The following BPIFA3 variants were observed in gnomAD, a reference collection of about 807,000 sequenced individuals.
The protein encoded by BPIFA3 is BPI fold-containing family A member 3.
In BPIFA3, 32 loss-of-function variants were observed where a neutral mutation model predicts 29.7. That is an observed-to-expected ratio of 1.08 (90% CI 0.81 to 1.45). The LOEUF (loss-of-function observed/expected upper bound fraction) is 1.45. Ranked by LOEUF, BPIFA3 falls within the 40% of genes most tolerant of loss-of-function variation. The pLI is 0.00. For missense variants in BPIFA3, 323 were observed against 311.3 expected (o/e 1.04, Z -0.28); for synonymous variants, 112 against 113.7 (o/e 0.98, Z 0.10).
chr20:33,227,177 C>T (rs954014230), intron 6 of BPIFA3, among the ~76,000 whole-genome samples, 184 bp downstream of exon 6: 1 of 152,296 alleles, frequency 6.6e-6, no homozygotes, highest in Admixed American at 6.5e-5. Context: ...GACAGCAGAA[C>T]GTACCCCTAC....
At position 33,227,525 on chromosome 20, in the gene BPIFA3, C is replaced by T. The variant is rs761280884; in HGVS notation, c.686-13C>T. 1.2e-6 allele frequency: 2 copies of T among 1,610,534 alleles called. No individual in the cohort carries two copies. Among genetic ancestry groups the T allele is most frequent in the Non-Finnish European group, 1.7e-6 (2 of 1,176,892 alleles). Reference sequence around the variant, plus strand: ...GGCACACTGGTGACAGACGCTACCTCTTCTCCTTACAGAACAGGAGGCTGC... The same window carrying T: ...GGCACACTGGTGACAGACGCTACCTTTTCTCCTTACAGAACAGGAGGCTGC... On this transcript the variant is annotated splice_polypyrimidine_tract_variant and intron_variant, in intron 6 of 6. Coordinates refer to ENST00000375454, the MANE Select transcript of BPIFA3 (RefSeq NM_178466.5).
At chr20:33,223,243 T>C (rs1019429309) in intron 1 of BPIFA3, among the ~76,000 whole-genome samples, 13 of 152,168 alleles carry the variant, frequency 8.5e-5, no homozygotes, top group African/African-American at 2.9e-4. Flanking sequence ...ACCAGTGAAA[T>C]AATGTGCCCT....
Position 33,226,387 on chromosome 20 carries a change from C to T in BPIFA3, c.537-19C>T, listed in dbSNP as rs1428628641. 1 of 1,568,354 alleles carries T rather than the reference C, an allele frequency of 6.4e-7. No homozygotes were observed. On this transcript the variant is annotated intron_variant, in intron 4 of 6. Coordinates refer to ENST00000375454, the MANE Select transcript of BPIFA3 (RefSeq NM_178466.5). Reference sequence around the variant, plus strand: ...CTGGATTGCTCTGTTCTGTTCTGTGCCTCTACCTTTCTTTCTAGGGCTATC... The same window carrying T: ...CTGGATTGCTCTGTTCTGTTCTGTGTCTCTACCTTTCTTTCTAGGGCTATC...
chr20:33,223,583 C>T lies in BPIFA3; in HGVS notation c.128-228C>T, dbSNP rs1985626210. On this transcript the variant is annotated intron_variant, in intron 1 of 6. Transcript: ENST00000375454. The stretch of plus-strand genomic sequence containing the variant: ...AACCAGAATACCCCACTTTGAGCAG[C>T]TGTTGCCTGCCACACCCTCTGCAGG... 8 of 466,068 alleles carry T rather than the reference C, an allele frequency of 1.7e-5. No individual in the cohort carries two copies. The South Asian group carries it at 2.6e-4, about 15-fold the overall frequency. The allele number at this position is 466,068 out of a possible 1,614,324, so 28.9% of individuals were successfully genotyped here. A position where few individuals can be genotyped will look rare whatever the true frequency, so the allele number is the denominator to read the frequency against.
rs771286532 is a variant in BPIFA3 at position 33,217,542 on chromosome 20, G to A, written c.6G>A (p.Met2Ile). M[M>I]CPLWRLLIFL... ...ATCTGCAGGTCCCAGACCCTATGATGTGTCCACTCTGGAGGCTCCTCATCT... is the reference window on the plus strand; with the variant it reads ...ATCTGCAGGTCCCAGACCCTATGATATGTCCACTCTGGAGGCTCCTCATCT... The change falls in exon 1 of 7, where the codon ATG becomes ATA. Residue 2 changes from methionine (M) to isoleucine (I), a missense_variant. Transcript: ENST00000375454. The A allele has an allele frequency of 1.9e-6, 3 of 1,613,930 alleles. No homozygotes were observed. Among genetic ancestry groups the A allele is most frequent in the African/African-American group, 1.3e-5 (1 of 74,920 alleles).
chr20:33,221,894 C>T (rs115467408), intron 1 of BPIFA3, among the ~76,000 whole-genome samples: 2,363 of 152,256 alleles, frequency 0.016, 60 homozygotes, highest in African/African-American at 0.046. Flanking sequence ...TGTTAGTTCA[C>T]GAAGCTGCTT....
intron 2 of BPIFA3, 151 bp downstream of exon 2, chr20:33,224,112 G>T: frequency 9.2e-7 from 1 of 1,089,906 alleles, no homozygotes. Flanking sequence ...CCCACACAAG[G>T]AACAGTGGGG....
chr20:33,221,403 C>T lies in BPIFA3; in HGVS notation c.128-2408C>T, dbSNP rs181446062. On this transcript the variant is annotated intron_variant, in intron 1 of 6. Coordinates refer to ENST00000375454, the MANE Select transcript of BPIFA3 (RefSeq NM_178466.5). Reference sequence around the variant, plus strand: ...AACTCCAGACCTCAGGTGATCCGCCCGCCTTGGCCTCCCAAAGTGTTGGGA... The same window carrying T: ...AACTCCAGACCTCAGGTGATCCGCCTGCCTTGGCCTCCCAAAGTGTTGGGA... 2.0e-3 allele frequency among the ~76,000 whole-genome samples: 310 copies of T among 152,272 alleles called. 3 individuals are homozygous for T. Among genetic ancestry groups the T allele is most frequent in the African/African-American group, 7.2e-3 (298 of 41,578 alleles).
At chr20:33,224,694 A>T (rs761061795) in intron 3 of BPIFA3, among the ~76,000 whole-genome samples, 2 of 152,218 alleles carry the variant, frequency 1.3e-5, no homozygotes, top group Non-Finnish European at 1.5e-5. Context: ...AACCTATGAG[A>T]GTTCACAACA....
rs746581333 is a variant in BPIFA3 at position 33,227,582 on chromosome 20, C to T, written c.730C>T (p.Pro244Ser). The T allele has an allele frequency of 2.7e-5, 43 of 1,614,006 alleles. No homozygotes were observed. Among genetic ancestry groups the T allele is most frequent in the Non-Finnish European group, 3.6e-5 (43 of 1,180,014 alleles). The change falls in exon 7 of 7, where the codon CCC becomes TCC. Residue 244 changes from proline to serine, a missense_variant. By Grantham distance (74) the Pro-to-Ser change is moderately conservative. Transcript: ENST00000375454. ...ACCAACCCACCATGAAACCAGCCAA[C>T]CCTCTGCATGCCAGGCTGGAGAGTC... Reference protein sequence around the residue: ...HEPTHHETSQPSACQAGESPS With the variant: ...HEPTHHETSQSSACQAGESPS
chr20:33,227,481 G>A (rs908657746), intron 6 of BPIFA3, 57 bp from the exon 7 acceptor site: 2 of 1,418,096 alleles, frequency 1.4e-6, no homozygotes, highest in African/African-American at 2.8e-5. Context: ...TTTCCCTTCG[G>A]TGTGGGAGTT....
In BPIFA3 at chr20:33,225,116, C is replaced by G. The variant is rs1985716067; in HGVS notation, c.405C>G (p.Ile135Met). 3.1e-6 allele frequency: 5 copies of G among 1,614,000 alleles called. No homozygotes were observed. Among genetic ancestry groups the G allele is most frequent in the Non-Finnish European group, 4.2e-6 (5 of 1,180,016 alleles). Residue 135 changes from isoleucine to methionine, a missense_variant, in exon 4 of 7, where the codon ATC becomes ATG. Transcript: ENST00000375454. Reference sequence around the variant, plus strand: ...TCTGCAGGTCCTTCGATAACAACATCGTAAAGATGTGTGCACATATGAGCA... The same window carrying G: ...TCTGCAGGTCCTTCGATAACAACATGGTAAAGATGTGTGCACATATGAGCA... ...LELRPSFDNN[I>M]VKMCAHMSIV...
chr20:33,226,556 T>C, intron 5 of BPIFA3, 66 bp downstream of exon 5: 1 of 1,013,398 alleles, frequency 9.9e-7, no homozygotes, highest in Non-Finnish European at 1.5e-6. Context: ...ATATATCCAC[T>C]GGCAATTTAG....
rs779772628 is a variant in BPIFA3, at chr20:33,217,359, GC to G, written c.-177del. 8 of 714,176 alleles carry G rather than the reference GC, an allele frequency of 1.1e-5. No homozygotes were observed. Among genetic ancestry groups the G allele is most frequent in the African/African-American group, 2.0e-5 (1 of 49,804 alleles). 44.2% of individuals were successfully genotyped at this position (714,176 alleles called of 1,614,324 possible). On this transcript the variant is annotated 5_prime_UTR_variant, in exon 1 of 7. Transcript: ENST00000375454. ...TCCACATGTTGCTCTCCCAATGTGA[GC>G]AAGCCCTGGTGGCAGCGCCAGGGTC...
At chr20:33,223,554 T>C (rs999754242) in intron 1 of BPIFA3, 1 of 400,638 alleles carries the variant, frequency 2.5e-6, no homozygotes, top group Non-Finnish European at 4.6e-6. Context: ...TTGGGTGAAC[T>C]TTCAACCAGA....
intron 3 of BPIFA3, 66 bp from the exon 4 acceptor site, chr20:33,225,032 C>A (rs978593663): frequency 4.6e-5 from 68 of 1,494,494 alleles, no homozygotes; most frequent in Non-Finnish European, 6.3e-5. Context: ...TTTGCCAATA[C>A]GGAGATTTCT....
Position 33,217,658 on chromosome 20 carries a change from C to A in BPIFA3, c.122C>A (p.Ala41Glu), listed in dbSNP as rs17124391. Residue 41 changes from alanine (A) to glutamate (E), a missense_variant, in exon 1 of 7, where the codon GCA becomes GAA. Ala to Glu is a moderately radical substitution (Grantham distance 107). Transcript: ENST00000375454. ...CACAGAGACAACAAATCCACCCTGG[C>A]AAGAAGTAAGCTAAGCCCCGGGCTC... ...QAHRDNKSTL[A>E]RIIAQGLIKH... is the part of the protein sequence containing the mutation. The A allele has an allele frequency of 0.023, 37,883 of 1,613,184 alleles. 521 individuals are homozygous for A. Among genetic ancestry groups the A allele is most frequent in the Non-Finnish European group, 0.028 (32,639 of 1,179,610 alleles).
intron 6 of BPIFA3, 26 bp downstream of exon 6, chr20:33,227,019 G>A: frequency 6.3e-7 from 1 of 1,599,444 alleles, no homozygotes; most frequent in Non-Finnish European, 8.6e-7. Flanking sequence ...ATCCAGTGAG[G>A]ACTTCTTAGG....
chr20:33,223,400 G>C (rs113687892), intron 1 of BPIFA3: 1 of 156,868 alleles, frequency 6.4e-6, no homozygotes, highest in Non-Finnish European at 1.4e-5. Context: ...AGCTCCACTG[G>C]GTCCTGCAAT....
Sources: gnomAD v4.1 joint callset for allele counts (sites outside exome capture counted in the v4.1 genomes callset) on GRCh38, gnomAD v4.1.1 for gene constraint, MANE v1.5 for transcripts, NCBI Gene and HGNC (gene_info 2026-07-23, HGNC 2026-07-21) for gene names.